Variants in AATK observed in about 807,000 individuals in gnomAD.
AATK encodes lemur tail kinase 1, also known as serine/threonine-protein kinase LMTK1.
Under a neutral mutation model 114.3 loss-of-function variants are expected in AATK, and 91 were observed. That is an observed-to-expected ratio of 0.80 (90% CI 0.67 to 0.95). The LOEUF is 0.95. AATK is among the 40% of genes least tolerant of loss of function. The pLI is 0.00. For missense variants in AATK, 2,176 were observed against 1,965.2 expected, an observed-to-expected ratio of 1.11 and a Z score of -2.03; for synonymous variants, 1,075 against 916.5, an observed-to-expected ratio of 1.17 and a Z score of -3.12.
Position 81,119,434 on chromosome 17 carries a change from T to G in AATK, c.4030A>C (p.Thr1344Pro), listed in dbSNP as rs1453633385. ...FSRFTVSPAPTSRFSITHVSD... is the reference protein window; with the variant it reads ...FSRFTVSPAPPSRFSITHVSD... ...ACGTGCGTGATGGAGAAGCGGGACG[T>G]GGGCGCGGGCGACACCGTGAAGCGC... is the stretch of plus-strand genomic sequence containing the variant. The change falls in exon 13 of 14, where the codon ACG becomes CCG. Residue 1344 changes from threonine (T) to proline (P), a missense_variant. Coordinates refer to ENST00000326724, the MANE Select transcript of AATK (RefSeq NM_001080395.3). 1 of 1,518,332 alleles carries G rather than the reference T, an allele frequency of 6.6e-7. No homozygotes were observed. Among genetic ancestry groups the G allele is most frequent in the Non-Finnish European group, 8.8e-7 (1 of 1,139,598 alleles). The allele number at this position is 1,518,332 out of a possible 1,614,324, so 94.1% of individuals were successfully genotyped here.
At position 81,119,531 on chromosome 17, in the gene AATK, T is replaced by A. The variant is rs2060661333; in HGVS notation, c.3933A>T (p.Ala1311=). ...CCGGGTCTAGGGCCATGGCGAAGGCTGCCTTGGCCGTCATCAGCGGGAAGT... is the reference window on the plus strand; with the variant it reads ...CCGGGTCTAGGGCCATGGCGAAGGCAGCCTTGGCCGTCATCAGCGGGAAGT... The part of the protein sequence containing the change: ...DDDFPLMTAK[A]AFAMALDPAA... The change falls in exon 13 of 14, where the codon GCA becomes GCT. Residue 1311 remains alanine, a synonymous_variant. Transcript: ENST00000326724. 1 of 1,576,072 alleles carries A rather than the reference T, an allele frequency of 6.3e-7. No individual in the cohort carries two copies. Among genetic ancestry groups the A allele is most frequent in the African/African-American group, 1.4e-5 (1 of 71,324 alleles).
intron 13 of AATK, among the ~76,000 whole-genome samples, chr17:81,118,981 C>T (rs2060621923): frequency 6.6e-6 from 1 of 152,186 alleles, no homozygotes; most frequent in African/African-American, 2.4e-5. Context: ...GTGGCTCAGG[C>T]CCCCAGCAGG....
chr17:81,121,468 A>C lies in AATK; in HGVS notation c.2468T>G (p.Leu823Arg). ...AGTAGCAGGCGTGGGAGAGTCAGGCAGGGCATCAGGGGCGTCGGGGGCACT... is the reference window on the plus strand; with the variant it reads ...AGTAGCAGGCGTGGGAGAGTCAGGCCGGGCATCAGGGGCGTCGGGGGCACT... ...EASAPDAPDALPDSPTPATGG... is the reference protein window; with the variant it reads ...EASAPDAPDARPDSPTPATGG... Residue 823 changes from leucine to arginine, a missense_variant, in exon 11 of 14, where the codon CTG (leucine) becomes CGG (arginine). Leu to Arg is a moderately radical substitution (Grantham distance 102, BLOSUM62 -2). Transcript: ENST00000326724. The C allele has an allele frequency of 3.2e-6, 5 of 1,581,568 alleles. 1 individual carries two copies. Among genetic ancestry groups the C allele is most frequent in the Non-Finnish European group, 4.3e-6 (5 of 1,162,416 alleles).
intron 1 of AATK, among the ~76,000 whole-genome samples, chr17:81,140,513 C>A (rs375921704): frequency 6.6e-6 from 1 of 152,170 alleles, no homozygotes; most frequent in Non-Finnish European, 1.5e-5. Flanking sequence ...GCTTTGCAGG[C>A]GGGATTTAGG....
chr17:81,127,555 C>A, intron 6 of AATK, 28 bp downstream of exon 6: 2 of 1,572,212 alleles, frequency 1.3e-6, no homozygotes, highest in Non-Finnish European at 1.7e-6. Flanking sequence ...CAGCAAAGAC[C>A]CCAGCATCCC....
intron 1 of AATK, among the ~76,000 whole-genome samples, chr17:81,138,955 C>A (rs924785632): frequency 2.7e-5 from 4 of 145,534 alleles, no homozygotes; most frequent in South Asian, 2.1e-4. Flanking sequence ...TGCACACCCC[C>A]CACACGTGCG....
intron 1 of AATK, among the ~76,000 whole-genome samples, chr17:81,145,149 C>A (rs1307709957): frequency 6.6e-6 from 1 of 150,886 alleles, no homozygotes; most frequent in South Asian, 2.1e-4. Flanking sequence ...GGGAAAATCG[C>A]TTGAACTCCC....
rs567709788 is a variant in AATK at position 81,161,549 on chromosome 17, C to T, written c.55+4389G>A. On this transcript the variant is annotated intron_variant, in intron 1 of 13. Coordinates refer to ENST00000326724, the MANE Select transcript of AATK (RefSeq NM_001080395.3). ...AGGGGGCACAGGCAGGAGCACAGTT[C>T]CCAGGCGGCCGGGGTGGTGGGTGAG... 1.6e-3 allele frequency among the ~76,000 whole-genome samples: 242 copies of T among 152,286 alleles called. 2 individuals carry two copies. The highest frequency in any genetic ancestry group is 7.3e-3 in the Admixed American group (112 of 15,304).
At chr17:81,158,839 C>T (rs1198835234) in intron 1 of AATK, among the ~76,000 whole-genome samples, 2 of 152,172 alleles carry the variant, frequency 1.3e-5, no homozygotes, top group Admixed American at 6.5e-5. Context: ...GCCATGGAGG[C>T]GTTCGTCCAT....
At chr17:81,163,726 C>T (rs1220682423) in intron 1 of AATK, among the ~76,000 whole-genome samples, 1 of 152,270 alleles carries the variant, frequency 6.6e-6, no homozygotes, top group East Asian at 1.9e-4. Flanking sequence ...CAGTCTGTGC[C>T]CACAGCCTCC....
chr17:81,157,475 T>C (rs1205674706), intron 1 of AATK, among the ~76,000 whole-genome samples: 3 of 152,178 alleles, frequency 2.0e-5, no homozygotes, highest in African/African-American at 4.8e-5. Context: ...TACTCTCTGC[T>C]GCAGGGAACC....
chr17:81,163,891 G>T (rs2061454418), intron 1 of AATK, among the ~76,000 whole-genome samples: 1 of 152,250 alleles, frequency 6.6e-6, no homozygotes, highest in Non-Finnish European at 1.5e-5. Flanking sequence ...CCCATGTCAG[G>T]TGCTAGCACT....
chr17:81,129,047 G>A (rs1568229139), intron 3 of AATK: 3 of 418,402 alleles, frequency 7.2e-6, no homozygotes, highest in African/African-American at 2.2e-5. Context: ...TCTCCCCGAG[G>A]GCCAGGCCGG....
chr17:81,140,100 A>C (rs546127376), intron 1 of AATK, among the ~76,000 whole-genome samples: 1 of 151,896 alleles, frequency 6.6e-6, no homozygotes, highest in African/African-American at 2.4e-5. Context: ...GCAGCCTGGA[A>C]CTCCTGGCCT....
Position 81,120,004 on chromosome 17 carries a change from C to A in AATK, c.3815G>T (p.Gly1272Val). The change falls in exon 12 of 14, where the codon GGC becomes GTC. Residue 1272 changes from glycine (G) to valine (V), a missense_variant. Gly to Val is a moderately radical substitution (Grantham distance 109). Coordinates refer to ENST00000326724, the MANE Select transcript of AATK (RefSeq NM_001080395.3). Reference protein sequence around the residue: ...SPPTFLRGSPGSPSAPNRPQQ... With the variant: ...SPPTFLRGSPVSPSAPNRPQQ... ...CGGCCGGTTGGGGGCGCTGGGAGAGCCGGGGCTCCCCCTAAGGAACGTAGG... is the reference window on the plus strand; with the variant it reads ...CGGCCGGTTGGGGGCGCTGGGAGAGACGGGGCTCCCCCTAAGGAACGTAGG... 2.8e-6 allele frequency: 4 copies of A among 1,446,942 alleles called. 1 individual carries two copies. The highest frequency in any genetic ancestry group is 3.6e-6 in the Non-Finnish European group (4 of 1,099,394). The allele number at this position is 1,446,942 out of a possible 1,614,324, so 89.6% of individuals were successfully genotyped here.
At chr17:81,141,492 G>A (rs926616296) in intron 1 of AATK, among the ~76,000 whole-genome samples, 10 of 152,314 alleles carry the variant, frequency 6.6e-5, no homozygotes, top group South Asian at 4.1e-4. Context: ...CTGACTTCCA[G>A]AACCTACGAT....
At chr17:81,129,875 G>GATGT (rs2060903322) in intron 3 of AATK, among the ~76,000 whole-genome samples, 1 of 152,240 alleles carries the variant, frequency 6.6e-6, no homozygotes, top group African/African-American at 2.4e-5. Context: ...CCCGCCCACA[G>GATGT]ATGTACTCGA....
At chr17:81,125,315 G>C in intron 7 of AATK, 1 of 729,254 alleles carries the variant, frequency 1.4e-6, no homozygotes, top group Non-Finnish European at 2.6e-6. Context: ...GAACCTGCCG[G>C]AACCCACCCG....
chr17:81,166,126 C>A lies in AATK; in HGVS notation c.-134G>T, dbSNP rs886888429. 2 of 376,804 alleles carry A rather than the reference C, an allele frequency of 5.3e-6. No individual in the cohort carries two copies. The highest frequency in any genetic ancestry group is 7.2e-6 in the Non-Finnish European group (2 of 278,868). The allele number at this position is 376,804 out of a possible 1,614,324, so 23.3% of individuals were successfully genotyped here. A position where few individuals can be genotyped will look rare whatever the true frequency, so the allele number is the denominator to read the frequency against. ...CGCCGGCCCCCGCGCCCCGCGCCCC[C>A]CGCCGCAGCCGCAGAGCCCGCACCG... On this transcript the variant is annotated 5_prime_UTR_variant, in exon 1 of 14. Coordinates refer to ENST00000326724, the MANE Select transcript of AATK (RefSeq NM_001080395.3).
Sources: allele counts gnomAD v4.1 joint callset (sites outside exome capture counted in the v4.1 genomes callset), GRCh38; gene constraint gnomAD v4.1.1; transcripts MANE v1.5; gene names NCBI Gene and HGNC (gene_info 2026-07-23, HGNC 2026-07-21).